Variants in PRDM16 observed in about 807,000 individuals in gnomAD.
PRDM16 encodes histone-lysine N-methyltransferase PRDM16.
A neutral mutation model predicts 110.6 loss-of-function variants in PRDM16; 23 were observed. The observed-to-expected ratio is 0.21, with a 90% CI of 0.15 to 0.29. PRDM16 has a LOEUF of 0.29. PRDM16 is among the 10% of genes least tolerant of loss of function. The pLI is 1.00. For missense variants in PRDM16, 1,615 were observed against 1,794.3 expected, an observed-to-expected ratio of 0.90 and a Z score of 1.81; for synonymous variants, 799 against 781.8, an observed-to-expected ratio of 1.02 and a Z score of -0.37.
intron 1 of PRDM16, among the ~76,000 whole-genome samples, chr1:3,077,847 C>A (rs1641934563): frequency 6.6e-6 from 1 of 152,212 alleles, no homozygotes; most frequent in African/African-American, 2.4e-5. Context: ...GGGGTCTCCC[C>A]TAGCCTGCAG....
chr1:3,242,719 T>A (rs1475839659), intron 2 of PRDM16, among the ~76,000 whole-genome samples: 1 of 152,220 alleles, frequency 6.6e-6, no homozygotes, highest in African/African-American at 2.4e-5. Context: ...TGCACCTTGG[T>A]AGGCACGCTG....
At chr1:3,338,223 G>A (rs1333185932) in intron 3 of PRDM16, among the ~76,000 whole-genome samples, 1 of 152,254 alleles carries the variant, frequency 6.6e-6, no homozygotes, top group East Asian at 1.9e-4. Flanking sequence ...AGGAGAAGGG[G>A]GCATACTGGG....
intron 3 of PRDM16, among the ~76,000 whole-genome samples, chr1:3,357,681 G>A (rs144404695): frequency 0.02 from 3,098 of 152,316 alleles, 47 homozygotes; most frequent in Middle Eastern, 0.054. Context: ...GCCCATGGCC[G>A]CGAGCGCCTC....
At chr1:3,224,528 T>A (rs1377921060) in intron 2 of PRDM16, among the ~76,000 whole-genome samples, 1 of 152,146 alleles carries the variant, frequency 6.6e-6, no homozygotes, top group Non-Finnish European at 1.5e-5. Flanking sequence ...CCACTCTCTC[T>A]CCCTCTCCCC....
intron 3 of PRDM16, among the ~76,000 whole-genome samples, chr1:3,264,181 T>C (rs958379094): frequency 1.3e-5 from 2 of 152,190 alleles, no homozygotes; most frequent in Non-Finnish European, 2.9e-5. Context: ...TAACAGGTGC[T>C]ATGGAGTCCG....
intron 3 of PRDM16, among the ~76,000 whole-genome samples, chr1:3,262,087 C>T (rs1476228026): frequency 6.6e-6 from 1 of 152,210 alleles, no homozygotes; most frequent in African/African-American, 2.4e-5. Flanking sequence ...GGCACTTGTG[C>T]TTTTAGCAAG....
At chr1:3,181,086 GGCCTTACACACGCA>G (rs1216482763) in intron 1 of PRDM16, among the ~76,000 whole-genome samples, 1 of 59,824 alleles carries the variant, frequency 1.7e-5, no homozygotes, top group Non-Finnish European at 5.3e-5. Context: ...TCTTACACAC[GGCCTTACACACGCA>G]GTCTTACACG....
intron 3 of PRDM16, among the ~76,000 whole-genome samples, chr1:3,368,934 G>A (rs531991982): frequency 2.0e-5 from 3 of 152,360 alleles, no homozygotes; most frequent in Non-Finnish European, 4.4e-5. Flanking sequence ...GCCGCATGCT[G>A]CCTCCCCTCG....
chr1:3,116,088 C>T (rs1306591843), intron 1 of PRDM16, among the ~76,000 whole-genome samples: 1 of 152,180 alleles, frequency 6.6e-6, no homozygotes, highest in African/African-American at 2.4e-5. Context: ...ACACGGCAGG[C>T]GTCAGGTTGA....
At chr1:3,162,054 C>T (rs1643902504) in intron 1 of PRDM16, among the ~76,000 whole-genome samples, 1 of 152,192 alleles carries the variant, frequency 6.6e-6, no homozygotes. Flanking sequence ...CCCTTCCCGT[C>T]CCCCTAGACC....
intron 2 of PRDM16, among the ~76,000 whole-genome samples, chr1:3,200,206 G>A (rs1638584486): frequency 7.1e-6 from 1 of 141,086 alleles, no homozygotes; most frequent in Non-Finnish European, 1.6e-5. Context: ...AAGGGCCTGG[G>A]GAGAGGGGCC....
chr1:3,270,651 G>A (rs1362974563), intron 3 of PRDM16, among the ~76,000 whole-genome samples: 1 of 133,842 alleles, frequency 7.5e-6, no homozygotes, highest in Non-Finnish European at 1.5e-5. Context: ...AGTCCCAGAG[G>A]AGAACAGTCA....
chr1:3,296,537 G>A (rs1311264317), intron 3 of PRDM16, among the ~76,000 whole-genome samples: 2 of 152,230 alleles, frequency 1.3e-5, no homozygotes, highest in African/African-American at 4.8e-5. Context: ...TGATGTGCAG[G>A]AGAGGAGAGA....
At position 3,425,545 on chromosome 1, in the gene PRDM16, G is replaced by A. The variant is rs41303861; in HGVS notation, c.2940-36G>A. ...GTGGCCCGGCCTGCCATGCAGAGCCGGGGCCTGCACTGAGGAGCGCGTGTG... is the reference window on the plus strand; with the variant it reads ...GTGGCCCGGCCTGCCATGCAGAGCCAGGGCCTGCACTGAGGAGCGCGTGTG... On this transcript the variant is annotated intron_variant, in intron 12 of 16. Transcript: ENST00000270722. The surrounding 1 kb of genome is among the most constrained non-coding windows in gnomAD (Gnocchi z 6.9). The A allele has an allele frequency of 1.6e-4, 256 of 1,599,744 alleles. 1 individual carries two copies. The African/African-American group carries it at 2.5e-3, about 16-fold the overall frequency.
intron 1 of PRDM16, among the ~76,000 whole-genome samples, chr1:3,176,152 TATCCATCCATCC>T (rs145743378): frequency 1.1e-5 from 1 of 90,644 alleles, no homozygotes; most frequent in African/African-American, 3.8e-5. Context: ...CTCATTCATC[TATCCATCCATCC>T]ATCCATCCAT....
intron 3 of PRDM16, among the ~76,000 whole-genome samples, chr1:3,272,273 C>T (rs1027948278): frequency 2.6e-5 from 4 of 152,226 alleles, no homozygotes; most frequent in African/African-American, 4.8e-5. Flanking sequence ...TGGCTGTAGT[C>T]GGGCGCTTTA....
rs371684820 is a variant in PRDM16, at chr1:3,261,942, C to T, written c.438+17805C>T. 2.2e-4 allele frequency among the ~76,000 whole-genome samples: 33 copies of T among 152,374 alleles called. 1 individual carries two copies. Among genetic ancestry groups the T allele is most frequent in the East Asian group, 1.3e-3 (7 of 5,188 alleles). On this transcript the variant is annotated intron_variant, in intron 3 of 16. Transcript: ENST00000270722. ...AGGAAAGAGCTGTCATCCTACCCCCCACCCTGTCTCCTTTCCTTTTCTAAG... is the reference window on the plus strand; with the variant it reads ...AGGAAAGAGCTGTCATCCTACCCCCTACCCTGTCTCCTTTCCTTTTCTAAG...
At chr1:3,351,377 G>A (rs1230845581) in intron 3 of PRDM16, among the ~76,000 whole-genome samples, 9 of 151,952 alleles carry the variant, frequency 5.9e-5, no homozygotes, top group East Asian at 2.0e-4. Context: ...CAGGGCCCAC[G>A]TGGGGTCCCA....
intron 1 of PRDM16, among the ~76,000 whole-genome samples, chr1:3,181,822 G>A (rs199691852): frequency 0.066 from 4,336 of 65,996 alleles, 136 homozygotes; most frequent in Admixed American, 0.099. Flanking sequence ...TTACACATGC[G>A]GTCTTACACA....
Sources: allele counts gnomAD v4.1 joint callset (sites outside exome capture counted in the v4.1 genomes callset), GRCh38; gene constraint gnomAD v4.1.1; non-coding constraint Gnocchi (gnomAD v3.1); transcripts MANE v1.5; gene names NCBI Gene and HGNC (gene_info 2026-07-23, HGNC 2026-07-21).